Variants in NHSL1 observed in about 807,000 individuals in gnomAD.
The protein encoded by NHSL1 is NHS-like protein 1.
NHSL1 carries 48 observed loss-of-function variants against 95.0 expected under a neutral mutation model. The ratio of observed to expected loss-of-function variants is 0.51; its 90% confidence interval spans 0.40 to 0.64. The LOEUF (loss-of-function observed/expected upper bound fraction) is 0.64. Among genes scored for constraint, NHSL1 ranks in the 30% least tolerant of loss-of-function variants. NHSL1 has a pLI of 0.00. For missense variants in NHSL1, 1,971 were observed against 2,077.7 expected (o/e 0.95, Z 1.00); for synonymous variants, 783 against 833.9 (o/e 0.94, Z 1.05).
chr6:138,691,755 T>C, intron 1 of NHSL1: 1 of 367,686 alleles, frequency 2.7e-6, no homozygotes, highest in Non-Finnish European at 5.4e-6. Flanking sequence ...ATGAAATGGA[T>C]CACCGGAGAG....
intron 3 of NHSL1, among the ~76,000 whole-genome samples, chr6:138,452,578 G>T (rs913366751): frequency 1.3e-5 from 2 of 152,136 alleles, no homozygotes; most frequent in East Asian, 1.9e-4. Flanking sequence ...CAACTATACA[G>T]AACTATATAG....
At chr6:138,519,850 A>G (rs1781602685) in intron 1 of NHSL1, among the ~76,000 whole-genome samples, 1 of 152,178 alleles carries the variant, frequency 6.6e-6, no homozygotes, top group African/African-American at 2.4e-5. Flanking sequence ...TTACTGAAAT[A>G]CTCTTTGTTT....
chr6:138,664,301 A>G (rs1292621097), intron 1 of NHSL1, among the ~76,000 whole-genome samples: 1 of 152,236 alleles, frequency 6.6e-6, no homozygotes, highest in African/African-American at 2.4e-5. Context: ...CAACAAACAC[A>G]CAGTGACAAA....
intron 1 of NHSL1, among the ~76,000 whole-genome samples, chr6:138,667,280 G>A (rs1785307636): frequency 6.6e-6 from 1 of 152,092 alleles, no homozygotes; most frequent in Non-Finnish European, 1.5e-5. Context: ...TTAATTAATA[G>A]AACAAGCATA....
chr6:138,580,741 A>G (rs1182958124), intron 1 of NHSL1, among the ~76,000 whole-genome samples: 1 of 152,196 alleles, frequency 6.6e-6, no homozygotes, highest in Non-Finnish European at 1.5e-5. Flanking sequence ...CCCCACAATT[A>G]CCAATTCTTT....
At chr6:138,560,358 C>T (rs1040342018) in intron 1 of NHSL1, among the ~76,000 whole-genome samples, 4 of 152,278 alleles carry the variant, frequency 2.6e-5, no homozygotes, top group African/African-American at 7.2e-5. Flanking sequence ...CAATAGCACA[C>T]AAATGAGACA....
intron 1 of NHSL1, among the ~76,000 whole-genome samples, chr6:138,629,373 C>T (rs1784785556): frequency 1.4e-5 from 2 of 145,746 alleles, no homozygotes; most frequent in Non-Finnish European, 3.0e-5. Flanking sequence ...ATCAGTATTT[C>T]TTTCTTTCTT....
At chr6:138,465,221 A>T (rs1360912646) in intron 3 of NHSL1, among the ~76,000 whole-genome samples, 12 of 152,122 alleles carry the variant, frequency 7.9e-5, no homozygotes, top group Admixed American at 7.9e-4. Context: ...CTCACCCAGA[A>T]CAACTTCCAG....
intron 1 of NHSL1, among the ~76,000 whole-genome samples, chr6:138,638,710 C>T (rs1267049303): frequency 6.6e-6 from 1 of 152,216 alleles, no homozygotes; most frequent in Non-Finnish European, 1.5e-5. Flanking sequence ...ACATTTGCAT[C>T]TTTCCTCAGA....
chr6:138,617,088 C>T (rs1201605826), intron 1 of NHSL1, among the ~76,000 whole-genome samples: 1 of 152,272 alleles, frequency 6.6e-6, no homozygotes. Context: ...ATAAGCAAAT[C>T]ATGAGCAACT....
At chr6:138,489,259 G>A (rs369793401) in intron 2 of NHSL1, among the ~76,000 whole-genome samples, 2 of 152,246 alleles carry the variant, frequency 1.3e-5, no homozygotes, top group Non-Finnish European at 2.9e-5. Flanking sequence ...TGAGGGGCAG[G>A]TACATTGAGA....
At chr6:138,466,243 A>G (rs1778374404) in intron 3 of NHSL1, among the ~76,000 whole-genome samples, 1 of 150,694 alleles carries the variant, frequency 6.6e-6, no homozygotes, top group Non-Finnish European at 1.5e-5. Context: ...GGGTTTCACC[A>G]TGTTAGCCAG....
In NHSL1 at chr6:138,424,523, G is replaced by T; in HGVS notation, c.4379C>A (p.Ala1460Asp). The change falls in exon 8 of 8, where the codon GCC becomes GAC. Residue 1460 changes from alanine (A) to aspartate (D), a missense_variant. Transcript: ENST00000343505. This position sits in a 1 kb window ranked among gnomAD's most constrained non-coding sequence, Gnocchi z 5.9. ...QRSRSEPSPD[A>D]PESPSSCSPS... ...GGAGCAGCTTGACGGGCTCTCGGGG[G>T]CATCTGGGGAAGGCTCTGACCTCGA... 1.3e-6 allele frequency: 2 copies of T among 1,551,662 alleles called. No homozygotes were observed. The highest frequency in any genetic ancestry group is 2.4e-5 in the East Asian group (1 of 40,910).
chr6:138,452,352 T>C (rs1428796098), intron 3 of NHSL1, among the ~76,000 whole-genome samples: 15 of 152,204 alleles, frequency 9.9e-5, no homozygotes, highest in Non-Finnish European at 2.1e-4. Flanking sequence ...ATAGGGTCTC[T>C]TTCCCATATA....
chr6:138,545,716 C>G (rs772297122), upstream of NHSL1: 4 of 1,278,460 alleles, frequency 3.1e-6, no homozygotes, highest in Non-Finnish European at 4.1e-6. Flanking sequence ...GTCTCCCAGC[C>G]CACCTCCTCA....
chr6:138,503,347 T>C (rs2128293458), upstream of NHSL1, among the ~76,000 whole-genome samples: 1 of 152,352 alleles, frequency 6.6e-6, no homozygotes, highest in South Asian at 2.1e-4. Context: ...TATTTACTTA[T>C]TTCCCCTTGA....
Position 138,424,519 on chromosome 6 carries a change from G to A in NHSL1, c.4383C>T (p.Pro1461=). 2 of 1,551,596 alleles carry A rather than the reference G, an allele frequency of 1.3e-6. No individual in the cohort carries two copies. The highest frequency in any genetic ancestry group is 1.7e-6 in the Non-Finnish European group (2 of 1,146,972). Residue 1461 remains proline, a synonymous_variant, in exon 8 of 8, where the codon CCC becomes CCT. Transcript: ENST00000343505. The surrounding 1 kb of genome is among the most constrained non-coding windows in gnomAD (Gnocchi z 5.9). ...TTGGGGAGCAGCTTGACGGGCTCTC[G>A]GGGGCATCTGGGGAAGGCTCTGACC... The part of the protein sequence containing the change: ...RSRSEPSPDA[P]ESPSSCSPSK...
intron 1 of NHSL1, among the ~76,000 whole-genome samples, chr6:138,579,958 A>G (rs1453864052): frequency 3.3e-5 from 5 of 152,334 alleles, no homozygotes; most frequent in Non-Finnish European, 7.3e-5. Context: ...TATGTGACAC[A>G]TTGCTTGATA....
At chr6:138,581,905 T>C (rs372227191) in intron 1 of NHSL1, among the ~76,000 whole-genome samples, 5,073 of 148,688 alleles carry the variant, frequency 0.034, 129 homozygotes, top group Middle Eastern at 0.099. Flanking sequence ...TTCTTTTTTT[T>C]TTTTTTTTTT....
Sources: allele counts gnomAD v4.1 joint callset (sites outside exome capture counted in the v4.1 genomes callset), GRCh38; gene constraint gnomAD v4.1.1; non-coding constraint Gnocchi (gnomAD v3.1); transcripts MANE v1.5; gene names NCBI Gene and HGNC (gene_info 2026-07-23, HGNC 2026-07-21).